Variants in RCOR3 observed in about 807,000 individuals in gnomAD.
RCOR3 encodes the protein REST corepressor 3.
A neutral mutation model predicts 64.1 loss-of-function variants in RCOR3; 13 were observed. The ratio of observed to expected loss-of-function variants is 0.20; its 90% CI spans 0.13 to 0.32. The LOEUF is 0.32. Among genes scored for constraint, RCOR3 ranks in the 10% least tolerant of loss-of-function variants. RCOR3 has a pLI of 1.00. For missense variants in RCOR3, 489 were observed against 701.2 expected (o/e 0.70, Z 3.42); for synonymous variants, 215 against 239.0 (o/e 0.90, Z 0.93).
chr1:211,294,624 G>C (rs2358216), intron 8 of RCOR3, among the ~76,000 whole-genome samples: 136,253 of 141,338 alleles, frequency 0.96, 65,679 homozygotes, highest in East Asian at 1. Flanking sequence ...GAGTCTCGCT[G>C]TGTCGCCCAG....
At position 211,260,162 on chromosome 1, in the gene RCOR3, C is replaced by T. The variant is rs770883442; in HGVS notation, c.221C>T (p.Pro74Leu). 6.2e-7 allele frequency: 1 copy of T among 1,611,736 alleles called. No homozygotes were observed. Among genetic ancestry groups the T allele is most frequent in the Non-Finnish European group, 8.5e-7 (1 of 1,178,486 alleles). The change falls in exon 2 of 12, where the codon CCA becomes CTA. Residue 74 changes from proline to leucine, a missense_variant and splice_region_variant. Physicochemically the swap from Pro to Leu is moderately conservative, Grantham distance 98. Around this residue, in one of 2 missense-constraint regions of RCOR3, gnomAD observed 402 missense variants for 617.0 expected, o/e 0.65. Coordinates refer to ENST00000419091, the MANE Select transcript of RCOR3 (RefSeq NM_001136223.3). ...CAAGCTCGGATCCCTGAATTTGATC[C>T]AGGTAGATATATTTGCTTAAGCAAA... ...EYQARIPEFD[P>L]GATKYTDKDN...
intron 2 of RCOR3, among the ~76,000 whole-genome samples, chr1:211,261,607 A>G (rs917213254): frequency 3.9e-5 from 6 of 152,194 alleles, no homozygotes; most frequent in Admixed American, 6.5e-5. Flanking sequence ...ACATTTGGAA[A>G]GAGCACATTT....
intron 2 of RCOR3, among the ~76,000 whole-genome samples, chr1:211,267,152 T>C (rs1453086080): frequency 1.3e-5 from 2 of 152,228 alleles, no homozygotes; most frequent in Non-Finnish European, 2.9e-5. Context: ...ATTTAATTTT[T>C]GAGCAACTCT....
intron 8 of RCOR3, among the ~76,000 whole-genome samples, chr1:211,293,397 C>T (rs966764842): frequency 1.3e-5 from 2 of 152,174 alleles, no homozygotes; most frequent in Non-Finnish European, 2.9e-5. Flanking sequence ...GGTCTGGCCC[C>T]AGTCTAACTT....
Position 211,314,354 on chromosome 1 carries a change from T to G in RCOR3, c.*586T>G, listed in dbSNP as rs957207768. On this transcript the variant is annotated 3_prime_UTR_variant, in exon 12 of 12. Coordinates refer to ENST00000419091, the MANE Select transcript of RCOR3 (RefSeq NM_001136223.3). The stretch of plus-strand genomic sequence containing the variant: ...TGTTGCTTTTTTTTTTAAAGGAATT[T>G]TAATATATTCCTTTAAAAGAAAGCA... 1 of 152,258 alleles carries G rather than the reference T, an allele frequency of 6.6e-6. No individual in the cohort carries two copies. Among genetic ancestry groups the G allele is most frequent in the Non-Finnish European group, 1.5e-5 (1 of 68,100 alleles). The allele number at this position is 152,258 out of a possible 1,614,324, so 9.4% of individuals were successfully genotyped here.
chr1:211,265,729 T>TAAAA (rs1369127594), intron 2 of RCOR3, among the ~76,000 whole-genome samples: 1 of 152,036 alleles, frequency 6.6e-6, no homozygotes, highest in Non-Finnish European at 1.5e-5. Flanking sequence ...AATAAATAAA[T>TAAAA]AAAATAAAAT....
At chr1:211,289,966 A>G (rs1039868018) in intron 8 of RCOR3, among the ~76,000 whole-genome samples, 4 of 152,302 alleles carry the variant, frequency 2.6e-5, no homozygotes, top group Admixed American at 6.5e-5. Context: ...CAGTTTTCTC[A>G]TCTGGAAATG....
intron 10 of RCOR3, among the ~76,000 whole-genome samples, chr1:211,307,102 T>C (rs926743523): frequency 1.3e-5 from 2 of 152,228 alleles, no homozygotes; most frequent in Non-Finnish European, 2.9e-5. Context: ...AGCTTATACA[T>C]ATATACATAT....
intron 3 of RCOR3, among the ~76,000 whole-genome samples, chr1:211,273,603 T>A (rs958101614): frequency 6.6e-6 from 1 of 152,232 alleles, no homozygotes; most frequent in Non-Finnish European, 1.5e-5. Context: ...TCATTGAAAC[T>A]GCTTATCTAA....
intron 2 of RCOR3, among the ~76,000 whole-genome samples, chr1:211,264,733 A>G (rs978754546): frequency 3.3e-5 from 5 of 152,220 alleles, no homozygotes; most frequent in African/African-American, 1.2e-4. Context: ...TATGAGAAGA[A>G]TTGAGATTTA....
chr1:211,274,300 A>C (rs753891203), intron 4 of RCOR3, 38 bp downstream of exon 4: 2 of 1,361,532 alleles, frequency 1.5e-6, no homozygotes, highest in Middle Eastern at 3.6e-4. Flanking sequence ...GGCTTGTCCC[A>C]ATATTTACCA....
chr1:211,275,059 G>A (rs1696773562), intron 4 of RCOR3, among the ~76,000 whole-genome samples: 1 of 150,652 alleles, frequency 6.6e-6, no homozygotes, highest in Admixed American at 6.6e-5. Context: ...TATATATAGA[G>A]AGACAAATAT....
chr1:211,312,252 T>TA lies in RCOR3; in HGVS notation c.1076-466dup. 2.8e-6 allele frequency: 1 copy of TA among 357,932 alleles called. No homozygotes were observed. The highest frequency in any genetic ancestry group is 2.1e-5 in the South Asian group (1 of 47,932). The allele number at this position is 357,932 out of a possible 1,614,324, so 22.2% of individuals were successfully genotyped here. A position where few individuals can be genotyped will look rare whatever the true frequency, so the allele number is the denominator to read the frequency against. Reference sequence around the variant, plus strand: ...AAGACCAAAATTATAATGCTTTTCTTAATGGGGGAACCCTAAGGCTACTCA... The same window carrying TA: ...AAGACCAAAATTATAATGCTTTTCTTAAATGGGGGAACCCTAAGGCTACTCA... On this transcript the variant is annotated intron_variant, in intron 10 of 11. Transcript: ENST00000419091. The surrounding 1 kb of genome is among the most constrained non-coding windows in gnomAD (Gnocchi z 5.0).
At position 211,294,739 on chromosome 1, in the gene RCOR3, G is replaced by A. The variant is rs372222716; in HGVS notation, c.940-937G>A. 3.0e-3 allele frequency among the ~76,000 whole-genome samples: 462 copies of A among 152,064 alleles called. 3 individuals carry two copies. Among genetic ancestry groups the A allele is most frequent in the African/African-American group, 0.01 (423 of 41,506 alleles). On this transcript the variant is annotated intron_variant, in intron 8 of 11. Transcript: ENST00000419091. ...TGAGTAGCTGGGACTACAGGCGTCC[G>A]CCACCACGCCCGGCTAATTTTTTGT...
Position 211,313,557 on chromosome 1 carries a change from C to T in RCOR3, c.1451C>T (p.Pro484Leu), listed in dbSNP as rs768561869. Residue 484 changes from proline (P) to leucine (L), a missense_variant, in exon 12 of 12, where the codon CCG (proline) becomes CTG (leucine). Pro to Leu is a moderately conservative substitution (Grantham distance 98). Transcript: ENST00000419091. This position sits in a 1 kb window ranked among gnomAD's most constrained non-coding sequence, Gnocchi z 4.7. ...CTTCGTCCAACACTGCCTGCTGCCC[C>T]GGCTCTTCACCGGCAGCCTCCTCCA... ...PLLRPTLPAA[P>L]ALHRQPPPLQ... The T allele has an allele frequency of 5.0e-6, 8 of 1,614,156 alleles. No homozygotes were observed. Among genetic ancestry groups the T allele is most frequent in the South Asian group, 1.1e-5 (1 of 91,070 alleles).
At chr1:211,291,945 T>A (rs1376032049) in intron 8 of RCOR3, among the ~76,000 whole-genome samples, 1 of 152,144 alleles carries the variant, frequency 6.6e-6, no homozygotes, top group Non-Finnish European at 1.5e-5. Flanking sequence ...ATAGTGAGAC[T>A]TCATCTCTAT....
At chr1:211,270,103 C>G (rs1424089717) in intron 2 of RCOR3, among the ~76,000 whole-genome samples, 1 of 147,752 alleles carries the variant, frequency 6.8e-6, no homozygotes, top group Non-Finnish European at 1.5e-5. Flanking sequence ...GGCTCTGTTA[C>G]CCAGGCTGGA....
At position 211,315,702 on chromosome 1, in the gene RCOR3, G is replaced by A. The variant is rs1180461074; in HGVS notation, c.*1934G>A. 1 of 152,112 alleles carries A rather than the reference G, an allele frequency of 6.6e-6. No individual in the cohort carries two copies. Among genetic ancestry groups the A allele is most frequent in the Non-Finnish European group, 1.5e-5 (1 of 68,022 alleles). 9.4% of individuals were successfully genotyped at this position (152,112 alleles called of 1,614,324 possible). On this transcript the variant is annotated 3_prime_UTR_variant, in exon 12 of 12. Coordinates refer to ENST00000419091, the MANE Select transcript of RCOR3 (RefSeq NM_001136223.3). ...TATGTGGGATATGTCAGTCAAGTTG[G>A]TCAGCACCAGCATCTGTCCAGCTGT...
intron 2 of RCOR3, among the ~76,000 whole-genome samples, chr1:211,262,004 C>T (rs1209132459): frequency 6.8e-6 from 1 of 146,426 alleles, no homozygotes; most frequent in African/African-American, 2.5e-5. Flanking sequence ...CAGGCTTTCC[C>T]TGAGCCTCAG....
Sources: allele counts gnomAD v4.1 joint callset (sites outside exome capture counted in the v4.1 genomes callset), GRCh38; gene constraint gnomAD v4.1.1; regional missense constraint gnomAD v4.1.1; non-coding constraint Gnocchi (gnomAD v3.1); transcripts MANE v1.5; gene names NCBI Gene and HGNC (gene_info 2026-07-23, HGNC 2026-07-21).